Variants in HTR3B observed in about 807,000 individuals in gnomAD.
HTR3B encodes 5-hydroxytryptamine (serotonin) receptor 3B, ionotropic.
In HTR3B, 44 loss-of-function variants were observed where a neutral mutation model predicts 42.8. That is an observed-to-expected ratio of 1.03 (90% CI 0.81 to 1.32). The LOEUF is 1.32. HTR3B is among the 40% of genes most tolerant of loss of function. HTR3B has a pLI of 0.00. For synonymous variants in HTR3B, 203 were observed against 209.0 expected (o/e 0.97, Z 0.25); for missense variants, 527 against 536.5 (o/e 0.98, Z 0.17).
chr11:113,947,826 C>T lies in HTR3B; in HGVS notation c.*1689C>T, dbSNP rs951895975. 2.6e-5 allele frequency among the ~76,000 whole-genome samples: 4 copies of T among 152,074 alleles called. No individual in the cohort carries two copies. Among genetic ancestry groups the T allele is most frequent in the African/African-American group, 4.8e-5 (2 of 41,394 alleles). ...TTTCAGCCCATAACACTAGTGATTCCGGAGGTTTAGCAAGTCCAGATTCTG... is the reference window on the plus strand; with the variant it reads ...TTTCAGCCCATAACACTAGTGATTCTGGAGGTTTAGCAAGTCCAGATTCTG... On this transcript the variant is annotated 3_prime_UTR_variant, in exon 9 of 9. Transcript: ENST00000260191.
intron 1 of HTR3B, among the ~76,000 whole-genome samples, chr11:113,907,244 G>C (rs1330812525): frequency 6.6e-6 from 1 of 152,182 alleles, no homozygotes; most frequent in Non-Finnish European, 1.5e-5. Flanking sequence ...CAGTTTTGGC[G>C]AGGAATCTTT....
At chr11:113,909,209 G>A (rs957845013) in intron 1 of HTR3B, 86 bp from the exon 2 acceptor site, 3 of 1,031,196 alleles carry the variant, frequency 2.9e-6, no homozygotes, top group African/African-American at 3.2e-5. Flanking sequence ...TCTAGTAAAA[G>A]CCACCGAGTC....
chr11:113,913,499 C>T (rs2137492976), intron 2 of HTR3B, among the ~76,000 whole-genome samples: 1 of 149,826 alleles, frequency 6.7e-6, no homozygotes, highest in Non-Finnish European at 1.5e-5. Context: ...GTGTGAGCCA[C>T]CATGCTTGGC....
chr11:113,935,872 C>T (rs1013723106), intron 6 of HTR3B, among the ~76,000 whole-genome samples: 7 of 152,146 alleles, frequency 4.6e-5, no homozygotes, highest in African/African-American at 1.7e-4. Flanking sequence ...TTCATCCTTG[C>T]CCTTGGCCTG....
chr11:113,930,198 A>G (rs187554729), intron 2 of HTR3B, among the ~76,000 whole-genome samples: 64 of 152,264 alleles, frequency 4.2e-4, no homozygotes, highest in African/African-American at 1.5e-3. Context: ...TTTAAAGCAC[A>G]AAAGTTTTTA....
intron 3 of HTR3B, 96 bp downstream of exon 3, chr11:113,931,524 T>C: frequency 1.2e-6 from 1 of 817,608 alleles, no homozygotes; most frequent in East Asian, 2.6e-5. Context: ...TCTTTGTATT[T>C]ATAGTTTCTT....
chr11:113,935,962 C>T (rs766086741), intron 6 of HTR3B, among the ~76,000 whole-genome samples: 3 of 152,060 alleles, frequency 2.0e-5, no homozygotes, highest in East Asian at 1.9e-4. Flanking sequence ...TCATAGCTGC[C>T]GACTCTGGGA....
intron 2 of HTR3B, among the ~76,000 whole-genome samples, chr11:113,910,977 C>T (rs1949787273): frequency 6.6e-6 from 1 of 151,618 alleles, no homozygotes; most frequent in Admixed American, 6.6e-5. Flanking sequence ...CAGGCGCCCG[C>T]CACCATGCCC....
intron 2 of HTR3B, among the ~76,000 whole-genome samples, chr11:113,917,793 C>T (rs139757153): frequency 2.0e-4 from 31 of 152,118 alleles, no homozygotes; most frequent in African/African-American, 6.0e-4. Flanking sequence ...TTGGTAGAGA[C>T]GGGGTTTTGC....
intron 2 of HTR3B, among the ~76,000 whole-genome samples, chr11:113,914,225 C>G (rs559198871): frequency 6.6e-6 from 1 of 151,680 alleles, no homozygotes; most frequent in African/African-American, 2.4e-5. Context: ...CCCAGCACTT[C>G]GGGAGGCCGA....
intron 2 of HTR3B, among the ~76,000 whole-genome samples, chr11:113,917,433 G>A (rs910397862): frequency 5.3e-5 from 8 of 151,988 alleles, no homozygotes; most frequent in South Asian, 4.2e-4. Context: ...GCACCCGGCC[G>A]AAATCTTCTA....
intron 1 of HTR3B, among the ~76,000 whole-genome samples, chr11:113,908,116 G>A (rs567543469): frequency 2.0e-5 from 3 of 152,260 alleles, no homozygotes; most frequent in East Asian, 3.9e-4. Context: ...TCCCAGTTCC[G>A]ACGGTAATGA....
chr11:113,933,353 C>T (rs529154665), intron 6 of HTR3B, among the ~76,000 whole-genome samples: 1 of 152,260 alleles, frequency 6.6e-6, no homozygotes, highest in South Asian at 2.1e-4. Context: ...GCATGCCCTG[C>T]AGCAGGAATC....
At chr11:113,902,479 T>C (rs1230012390), upstream of HTR3B, among the ~76,000 whole-genome samples, 1 of 152,104 alleles carries the variant, frequency 6.6e-6, no homozygotes. Context: ...GTATTTTTAG[T>C]AGAGACAGGG....
chr11:113,899,657 T>G, the HTR3B span, among the ~76,000 whole-genome samples: 1 of 152,256 alleles, frequency 6.6e-6, no homozygotes, highest in African/African-American at 2.4e-5. Flanking sequence ...AAAAACTATT[T>G]AGTAGTCTTA....
chr11:113,945,508 A>T (rs1346377656), intron 8 of HTR3B, among the ~76,000 whole-genome samples: 1 of 152,188 alleles, frequency 6.6e-6, no homozygotes, highest in African/African-American at 2.4e-5. Flanking sequence ...AGAATAGCAC[A>T]GTGCTGGCAT....
intron 2 of HTR3B, among the ~76,000 whole-genome samples, chr11:113,911,482 A>C (rs1350421175): frequency 6.6e-6 from 1 of 151,884 alleles, no homozygotes; most frequent in Non-Finnish European, 1.5e-5. Context: ...TGCCCACCTC[A>C]GCCTCCCAAA....
At chr11:113,907,155 G>T (rs972846318) in intron 1 of HTR3B, among the ~76,000 whole-genome samples, 3 of 152,144 alleles carry the variant, frequency 2.0e-5, no homozygotes, top group Non-Finnish European at 4.4e-5. Flanking sequence ...GTGCTTCATA[G>T]CTCAGTCCCT....
chr11:113,903,888 T>G (rs930411441), upstream of HTR3B, among the ~76,000 whole-genome samples: 1 of 152,232 alleles, frequency 6.6e-6, no homozygotes, highest in Non-Finnish European at 1.5e-5. Context: ...GGCTACATTT[T>G]ATTGGTAGAT....
Sources: allele counts gnomAD v4.1 joint callset (sites outside exome capture counted in the v4.1 genomes callset), GRCh38; gene constraint gnomAD v4.1.1; transcripts MANE v1.5; gene names NCBI Gene and HGNC (gene_info 2026-07-23, HGNC 2026-07-21).